The following LRRC4C variants were observed in gnomAD, a reference collection of about 807,000 sequenced individuals.
LRRC4C encodes the protein leucine-rich repeat-containing protein 4C.
LRRC4C carries 5 observed loss-of-function variants against 33.6 expected under a neutral mutation model. That is an observed-to-expected ratio of 0.15 (90% CI 0.08 to 0.31). The LOEUF (loss-of-function observed/expected upper bound fraction) is 0.31. Ranked by LOEUF, LRRC4C falls within the 10% of genes least tolerant of loss-of-function variation. The pLI, the probability that LRRC4C is intolerant of heterozygous loss-of-function variation, is 1.00. For missense variants in LRRC4C, 560 were observed against 796.7 expected, an observed-to-expected ratio of 0.70 and a Z score of 3.58; for synonymous variants, 329 against 302.0, an observed-to-expected ratio of 1.09 and a Z score of -0.93.
chr11:41,389,717 A>G (rs979708647), intron 1 of LRRC4C, among the ~76,000 whole-genome samples: 2 of 150,414 alleles, frequency 1.3e-5, no homozygotes, highest in African/African-American at 2.4e-5. Flanking sequence ...CACTGAAGTA[A>G]TATCTGGACC....
intron 2 of LRRC4C, among the ~76,000 whole-genome samples, chr11:40,899,833 A>G (rs11036146): frequency 0.074 from 11,293 of 152,226 alleles, 519 homozygotes; most frequent in Admixed American, 0.16. Context: ...TTCTCACGCT[A>G]TTGGTAATGT....
At chr11:41,137,901 A>G (rs1943333863) in intron 1 of LRRC4C, among the ~76,000 whole-genome samples, 1 of 152,178 alleles carries the variant, frequency 6.6e-6, no homozygotes, top group Admixed American at 6.5e-5. Context: ...TGGCTTTTGG[A>G]CCCAGGTGGG....
intron 1 of LRRC4C, among the ~76,000 whole-genome samples, chr11:41,417,212 C>T (rs748420088): frequency 6.6e-6 from 1 of 152,044 alleles, no homozygotes; most frequent in East Asian, 1.9e-4. Flanking sequence ...ACACTTAATG[C>T]CCGGAAATAG....
chr11:40,311,780 A>T (rs1945320461), intron 4 of LRRC4C, among the ~76,000 whole-genome samples: 1 of 151,894 alleles, frequency 6.6e-6, no homozygotes, highest in South Asian at 2.1e-4. Flanking sequence ...CCCTGTCTCT[A>T]CTGAAAATAC....
In LRRC4C at chr11:40,130,272, A is replaced by G. The variant is rs767350918; in HGVS notation, c.-43+10529T>C. Reference sequence around the variant, plus strand: ...GATTAGAAATATGCCTGTTTGTAACAATGCCTACATTCTCCTTTGTGCTAA... The same window carrying G: ...GATTAGAAATATGCCTGTTTGTAACGATGCCTACATTCTCCTTTGTGCTAA... On this transcript the variant is annotated intron_variant, in intron 6 of 6. Transcript: ENST00000528697. 3.9e-5 allele frequency among the ~76,000 whole-genome samples: 6 copies of G among 152,302 alleles called. No homozygotes were observed. In the South Asian group the frequency reaches 1.2e-3, roughly 32 times the overall value.
chr11:40,659,926 C>G (rs1433338843), intron 2 of LRRC4C, among the ~76,000 whole-genome samples: 3 of 152,194 alleles, frequency 2.0e-5, no homozygotes, highest in African/African-American at 7.2e-5. Flanking sequence ...ACTGAAAGAG[C>G]TGTAACACAA....
At chr11:40,894,586 T>C (rs898119581) in intron 2 of LRRC4C, among the ~76,000 whole-genome samples, 3 of 152,190 alleles carry the variant, frequency 2.0e-5, no homozygotes, top group Non-Finnish European at 4.4e-5. Flanking sequence ...CCAGTCACTT[T>C]CTGCATCCCA....
At chr11:40,585,400 A>T (rs1053559283) in intron 3 of LRRC4C, among the ~76,000 whole-genome samples, 6 of 152,184 alleles carry the variant, frequency 3.9e-5, no homozygotes, top group Non-Finnish European at 7.3e-5. Flanking sequence ...AAACTAAGTA[A>T]TATTGAAATA....
chr11:41,057,837 A>T (rs1302031588), intron 1 of LRRC4C, among the ~76,000 whole-genome samples: 1 of 152,148 alleles, frequency 6.6e-6, no homozygotes. Context: ...TGCTCTGCTG[A>T]TAGCTGAACA....
chr11:40,657,042 C>CA (rs1225722789), intron 2 of LRRC4C, among the ~76,000 whole-genome samples: 1 of 151,840 alleles, frequency 6.6e-6, no homozygotes, highest in Non-Finnish European at 1.5e-5. Flanking sequence ...TCCAAGCTAC[C>CA]AAAAAAAGTG....
At chr11:40,996,316 C>T (rs1242319215) in intron 1 of LRRC4C, among the ~76,000 whole-genome samples, 1 of 151,984 alleles carries the variant, frequency 6.6e-6, no homozygotes, top group Admixed American at 6.6e-5. Context: ...CCTAGCCCAG[C>T]AGTTCTCTTT....
intron 1 of LRRC4C, among the ~76,000 whole-genome samples, chr11:41,293,690 T>C (rs745748436): frequency 6.6e-5 from 10 of 152,076 alleles, no homozygotes; most frequent in Non-Finnish European, 1.3e-4. Context: ...CTCTGCCTCC[T>C]GGGTTCAAGT....
chr11:40,696,281 C>CATATATATATATATATATATAT (rs753906826), intron 2 of LRRC4C, among the ~76,000 whole-genome samples: 44 of 92,832 alleles, frequency 4.7e-4, no homozygotes, highest in African/African-American at 3.2e-3. Context: ...CACAATGCCA[C>CATATATATATATATATATATAT]ATATATATAT....
At chr11:40,966,006 G>A (rs1000846831) in intron 1 of LRRC4C, among the ~76,000 whole-genome samples, 1 of 152,058 alleles carries the variant, frequency 6.6e-6, no homozygotes, top group African/African-American at 2.4e-5. Flanking sequence ...CATGAGCATG[G>A]AATGTTCTTC....
chr11:40,571,543 A>G (rs1957984845), intron 3 of LRRC4C, among the ~76,000 whole-genome samples: 1 of 152,180 alleles, frequency 6.6e-6, no homozygotes, highest in African/African-American at 2.4e-5. Flanking sequence ...GTCTACAACT[A>G]GTTACAAGGA....
At position 40,426,012 on chromosome 11, in the gene LRRC4C, ATTT is replaced by A. The variant is rs58586544; in HGVS notation, c.-269-106294_-269-106292del. 7.6e-3 allele frequency among the ~76,000 whole-genome samples: 979 copies of A among 128,586 alleles called. 7 individuals are homozygous for A. The highest frequency in any genetic ancestry group is 0.023 in the African/African-American group (801 of 34,446). The allele number at this position is 128,586 out of a possible 152,430, so 84.4% of individuals were successfully genotyped here. On this transcript the variant is annotated intron_variant, in intron 3 of 6. Coordinates refer to ENST00000528697, the MANE Select transcript of LRRC4C (RefSeq NM_001258419.2). Reference sequence around the variant, plus strand: ...GTGATAACAAGAATAAGTCAGTTGCATTTTTTTTTTTTTTTTTTTGAGACAGAG... The same window carrying A: ...GTGATAACAAGAATAAGTCAGTTGCATTTTTTTTTTTTTTTTGAGACAGAG...
chr11:40,741,738 TAATC>T (rs1948165452), intron 2 of LRRC4C, among the ~76,000 whole-genome samples: 2 of 152,116 alleles, frequency 1.3e-5, no homozygotes, highest in Non-Finnish European at 2.9e-5. Flanking sequence ...GAAATTTTGA[TAATC>T]AAATAATAAT....
intron 1 of LRRC4C, among the ~76,000 whole-genome samples, chr11:40,992,861 C>T (rs1371383527): frequency 6.6e-6 from 1 of 152,062 alleles, no homozygotes; most frequent in Non-Finnish European, 1.5e-5. Context: ...TCCTGACATA[C>T]CATAGAAACC....
At chr11:40,719,591 C>G (rs188668402) in intron 2 of LRRC4C, among the ~76,000 whole-genome samples, 1 of 152,106 alleles carries the variant, frequency 6.6e-6, no homozygotes, top group Admixed American at 6.6e-5. Flanking sequence ...AATTCTACTA[C>G]TGAGGATATA....
Sources: allele counts gnomAD v4.1 joint callset (sites outside exome capture counted in the v4.1 genomes callset), GRCh38; gene constraint gnomAD v4.1.1; transcripts MANE v1.5; gene names NCBI Gene and HGNC (gene_info 2026-07-23, HGNC 2026-07-21).